Variants in EEF2K observed in about 807,000 individuals in gnomAD.
EEF2K encodes eukaryotic elongation factor 2 kinase, also known as alternative protein EEF2K.
In EEF2K, 70 loss-of-function variants were observed where a neutral mutation model predicts 93.8. The ratio of observed to expected loss-of-function variants is 0.75; its 90% CI spans 0.62 to 0.91. The LOEUF (loss-of-function observed/expected upper bound fraction) is 0.91. Ranked by LOEUF, EEF2K falls within the 40% of genes least tolerant of loss-of-function variation. The pLI is 0.00. For missense variants in EEF2K, 935 were observed against 972.9 expected (o/e 0.96, Z 0.52); for synonymous variants, 376 against 380.8 (o/e 0.99, Z 0.15).
At chr16:22,255,271 G>A (rs2047388293) in intron 6 of EEF2K, among the ~76,000 whole-genome samples, 1 of 152,180 alleles carries the variant, frequency 6.6e-6, no homozygotes, top group Admixed American at 6.5e-5. Flanking sequence ...AAATATGTGT[G>A]GACACGAAAT....
intron 1 of EEF2K, among the ~76,000 whole-genome samples, chr16:22,218,602 C>A (rs1439012121): frequency 2.0e-5 from 3 of 152,144 alleles, no homozygotes; most frequent in Non-Finnish European, 4.4e-5. Context: ...TAGTGTATTC[C>A]CTGAGGACCC....
chr16:22,238,126 C>T (rs1054782302), intron 2 of EEF2K, among the ~76,000 whole-genome samples: 6 of 152,080 alleles, frequency 3.9e-5, no homozygotes, highest in Non-Finnish European at 8.8e-5. Flanking sequence ...CTGATCTCTA[C>T]TAAAAATACA....
intron 2 of EEF2K, among the ~76,000 whole-genome samples, chr16:22,231,451 T>C (rs1446566048): frequency 6.6e-6 from 1 of 151,962 alleles, no homozygotes; most frequent in African/African-American, 2.4e-5. Flanking sequence ...TATACATATA[T>C]ATTGGTATCT....
chr16:22,254,047 C>T (rs1324299711), intron 6 of EEF2K, among the ~76,000 whole-genome samples: 1 of 151,976 alleles, frequency 6.6e-6, no homozygotes, highest in Non-Finnish European at 1.5e-5. Context: ...TGCAGTGAGC[C>T]GAGATTGGGC....
At chr16:22,251,597 G>A (rs1452470232) in intron 6 of EEF2K, among the ~76,000 whole-genome samples, 2 of 149,776 alleles carry the variant, frequency 1.3e-5, no homozygotes, top group South Asian at 2.1e-4. Context: ...GCTAATTTTT[G>A]TATTTTTAGT....
At chr16:22,268,606 A>G (rs2047547620) in intron 15 of EEF2K, among the ~76,000 whole-genome samples, 1 of 151,950 alleles carries the variant, frequency 6.6e-6, no homozygotes, top group Non-Finnish European at 1.5e-5. Context: ...AGCTCGGACT[A>G]TAGGCCTGAG....
intron 2 of EEF2K, among the ~76,000 whole-genome samples, chr16:22,237,007 C>T (rs2047174862): frequency 8.2e-6 from 1 of 122,294 alleles, no homozygotes. Flanking sequence ...TGCAGTGGTG[C>T]AATCTCAGCT....
chr16:22,265,805 C>T, intron 13 of EEF2K, among the ~76,000 whole-genome samples: 1 of 152,172 alleles, frequency 6.6e-6, no homozygotes, highest in Non-Finnish European at 1.5e-5. Flanking sequence ...AAACCCATTT[C>T]CTACAGCAAC....
intron 15 of EEF2K, among the ~76,000 whole-genome samples, chr16:22,272,401 G>A (rs1335300696): frequency 3.3e-5 from 5 of 152,206 alleles, no homozygotes; most frequent in Non-Finnish European, 5.9e-5. Context: ...GACCGTGAAA[G>A]CACTGTGCTA....
chr16:22,265,480 G>A (rs2047507871), intron 13 of EEF2K, among the ~76,000 whole-genome samples: 1 of 152,152 alleles, frequency 6.6e-6, no homozygotes, highest in Admixed American at 6.5e-5. Flanking sequence ...CTCCAAGCCT[G>A]GATCCCAGGG....
intron 12 of EEF2K, among the ~76,000 whole-genome samples, chr16:22,264,358 A>G (rs1301148791): frequency 6.6e-6 from 1 of 150,700 alleles, no homozygotes; most frequent in Non-Finnish European, 1.5e-5. Flanking sequence ...CAATTCCAGC[A>G]CTTTAGGAGG....
In EEF2K at chr16:22,287,941, CCT is replaced by C. The variant is rs1380370317; in HGVS notation, c.*3949_*3950del. On this transcript the variant is annotated 3_prime_UTR_variant, in exon 18 of 18. Transcript: ENST00000263026. The stretch of plus-strand genomic sequence containing the variant: ...GGCCCCAGTGATCCTCCTGCCTCAG[CCT>C]CTCAAGTAGCTAAAACTACAGATGT... 1 of 151,912 alleles carries C rather than the reference CCT, an allele frequency of 6.6e-6. No homozygotes were observed. Among genetic ancestry groups the C allele is most frequent in the African/African-American group, 2.4e-5 (1 of 41,342 alleles). 9.4% of individuals were successfully genotyped at this position (151,912 alleles called of 1,614,324 possible).
intron 3 of EEF2K, among the ~76,000 whole-genome samples, chr16:22,247,969 C>T (rs1479880853): frequency 6.6e-6 from 1 of 152,170 alleles, no homozygotes; most frequent in Admixed American, 6.5e-5. Flanking sequence ...CCGTTTGTTA[C>T]GGAGACCAGT....
chr16:22,239,727 C>G lies in EEF2K; in HGVS notation c.247-4903C>G, dbSNP rs188081422. The stretch of plus-strand genomic sequence containing the variant: ...TCGGGAAGCTGAAGCAGGAGGATCA[C>G]TTGAACCCAGGAGTTTGAGGCTGCG... On this transcript the variant is annotated intron_variant, in intron 2 of 17. Transcript: ENST00000263026. 1.7e-3 allele frequency among the ~76,000 whole-genome samples: 253 copies of G among 152,308 alleles called. 2 individuals carry two copies. The highest frequency in any genetic ancestry group is 5.9e-3 in the African/African-American group (246 of 41,564).
At chr16:22,256,498 G>A (rs1002643635) in intron 6 of EEF2K, among the ~76,000 whole-genome samples, 5 of 152,110 alleles carry the variant, frequency 3.3e-5, no homozygotes, top group Non-Finnish European at 7.4e-5. Context: ...GCCTCCCAAA[G>A]TGCTGGGATT....
chr16:22,281,017 C>G (rs140984787), intron 17 of EEF2K, among the ~76,000 whole-genome samples: 2 of 152,006 alleles, frequency 1.3e-5, no homozygotes, highest in East Asian at 3.9e-4. Context: ...TCCCTGCAAC[C>G]TTCACCTCCC....
chr16:22,234,493 G>GT (rs1344925129), intron 2 of EEF2K, among the ~76,000 whole-genome samples: 2 of 151,624 alleles, frequency 1.3e-5, no homozygotes, highest in Non-Finnish European at 2.9e-5. Context: ...GGAGGCGGAG[G>GT]TTGCAGTGAG....
chr16:22,253,797 CA>C (rs1486276165), intron 6 of EEF2K, among the ~76,000 whole-genome samples: 4 of 151,896 alleles, frequency 2.6e-5, no homozygotes, highest in Admixed American at 2.6e-4. Flanking sequence ...CCTAGGTGTC[CA>C]GTAAATAATA....
intron 1 of EEF2K, among the ~76,000 whole-genome samples, chr16:22,223,155 T>G (rs1256668148): frequency 1.3e-5 from 2 of 152,028 alleles, no homozygotes; most frequent in African/African-American, 4.8e-5. Context: ...CCTCCCCTAG[T>G]GGTTGTAAGT....
Sources: gnomAD v4.1 joint callset for allele counts (sites outside exome capture counted in the v4.1 genomes callset) on GRCh38, gnomAD v4.1.1 for gene constraint, MANE v1.5 for transcripts, NCBI Gene and HGNC (gene_info 2026-07-23, HGNC 2026-07-21) for gene names.